Variants in FBXW7 observed in about 807,000 individuals in gnomAD.
FBXW7 encodes F-box/WD repeat-containing protein 7.
Under a neutral mutation model 86.3 loss-of-function variants are expected in FBXW7, and 11 were observed. The ratio of observed to expected loss-of-function variants is 0.13; its 90% CI spans 0.08 to 0.21. FBXW7 has a LOEUF of 0.21. FBXW7 is among the 10% of genes least tolerant of loss of function. The pLI, the probability that FBXW7 is intolerant of heterozygous loss-of-function variation, is 1.00. For synonymous variants in FBXW7, 313 were observed against 297.9 expected (o/e 1.05, Z -0.52); for missense variants, 488 against 847.4 (o/e 0.58, Z 5.27).
chr4:152,470,263 A>C (rs1743829914), intron 2 of FBXW7, among the ~76,000 whole-genome samples: 1 of 152,134 alleles, frequency 6.6e-6, no homozygotes, highest in Non-Finnish European at 1.5e-5. Context: ...GTAAAGAATG[A>C]GCTCTATCAC....
chr4:152,512,754 G>C (rs1748096556), intron 2 of FBXW7, among the ~76,000 whole-genome samples: 1 of 152,164 alleles, frequency 6.6e-6, no homozygotes, highest in African/African-American at 2.4e-5. Context: ...AATGGGAAGT[G>C]ACTCCTTAAT....
chr4:152,422,768 C>G (rs1739057121), intron 2 of FBXW7, among the ~76,000 whole-genome samples: 1 of 152,154 alleles, frequency 6.6e-6, no homozygotes, highest in South Asian at 2.1e-4. Flanking sequence ...TTCCCTTCCT[C>G]TAAGTAACTC....
chr4:152,407,984 C>T (rs1012559145), intron 4 of FBXW7, among the ~76,000 whole-genome samples: 7 of 152,190 alleles, frequency 4.6e-5, no homozygotes. Context: ...AGCCACCACA[C>T]CTGGCTATCT....
intron 4 of FBXW7, among the ~76,000 whole-genome samples, chr4:152,388,020 A>G (rs550402453): frequency 6.6e-6 from 1 of 152,196 alleles, no homozygotes; most frequent in East Asian, 1.9e-4. Flanking sequence ...GATATCTTTT[A>G]AAGTTTTAGT....
At chr4:152,461,853 G>A (rs771037200) in intron 2 of FBXW7, among the ~76,000 whole-genome samples, 7 of 152,062 alleles carry the variant, frequency 4.6e-5, no homozygotes, top group Admixed American at 3.9e-4. Flanking sequence ...TAATACCATC[G>A]ATAGGTCTTG....
chr4:152,397,881 G>A (rs769740887), intron 4 of FBXW7, among the ~76,000 whole-genome samples: 16 of 151,808 alleles, frequency 1.1e-4, no homozygotes, highest in South Asian at 6.2e-4. Flanking sequence ...TACATGCCAA[G>A]AAGTACCAGA....
At chr4:152,326,865 C>T (rs1318962927) in intron 11 of FBXW7, among the ~76,000 whole-genome samples, 1 of 151,834 alleles carries the variant, frequency 6.6e-6, no homozygotes, top group Non-Finnish European at 1.5e-5. Flanking sequence ...ACACAGGCTG[C>T]TTATGCTTTT....
chr4:152,525,706 T>C (rs143871085), intron 2 of FBXW7, among the ~76,000 whole-genome samples: 1 of 152,340 alleles, frequency 6.6e-6, no homozygotes, highest in East Asian at 1.9e-4. Context: ...CTGTCACTGA[T>C]GGGCATTTAG....
rs2126461480 is a variant in FBXW7, at chr4:152,322,984, C to T, written c.2021G>A (p.Arg674Gln). The T allele has an allele frequency of 1.2e-6, 2 of 1,613,648 alleles. No individual in the cohort carries two copies. The highest frequency in any genetic ancestry group is 8.5e-7 in the Non-Finnish European group (1 of 1,179,796). ...ESGGSGGVVW[R>Q]IRASNTKLVC... ...CAGCTTTGTGTTTGAGGCTCTGATC[C>T]GCCACACAACTCCCCCACTCCCCCC... is the stretch of plus-strand genomic sequence containing the variant. Residue 674 changes from arginine (R) to glutamine (Q), a missense_variant, in exon 14 of 14, where the codon CGG (arginine) becomes CAG (glutamine). This residue lies in a region of FBXW7 where 142 missense variants were observed against 406.6 expected (regional missense o/e 0.35). Coordinates refer to ENST00000281708, the MANE Select transcript of FBXW7 (RefSeq NM_001349798.2).
intron 7 of FBXW7, 152 bp downstream of exon 7, chr4:152,337,639 AGTCATGGCAAT>A: frequency 1.6e-6 from 1 of 615,652 alleles, no homozygotes; most frequent in East Asian, 2.9e-5. Context: ...TACATTATTA[AGTCATGGCAAT>A]TTATCAATTT....
At chr4:152,444,228 C>T (rs1741163821) in intron 2 of FBXW7, among the ~76,000 whole-genome samples, 1 of 152,076 alleles carries the variant, frequency 6.6e-6, no homozygotes, top group Non-Finnish European at 1.5e-5. Flanking sequence ...TTATATTCTT[C>T]GAGACTTTAC....
chr4:152,507,486 T>A (rs1747535880), intron 2 of FBXW7, among the ~76,000 whole-genome samples: 1 of 152,198 alleles, frequency 6.6e-6, no homozygotes. Flanking sequence ...GCAAAATGAA[T>A]CTGCTACAAA....
chr4:152,374,162 CAAACCAAAAA>C (rs1268312077), intron 4 of FBXW7, among the ~76,000 whole-genome samples: 1 of 151,804 alleles, frequency 6.6e-6, no homozygotes, highest in Non-Finnish European at 1.5e-5. Flanking sequence ...AAAAACAAAA[CAAACCAAAAA>C]AACCCCACCA....
chr4:152,329,791 A>G lies in FBXW7; in HGVS notation c.1123-6T>C. ...TCATCATGTCCTTTCAGCACCTATA[A>G]GAAAGATGTGCAGATTAGAAATATG... On this transcript the variant is annotated splice_region_variant and splice_polypyrimidine_tract_variant and intron_variant, in intron 9 of 13. Coordinates refer to ENST00000281708, the MANE Select transcript of FBXW7 (RefSeq NM_001349798.2). 6 of 1,493,954 alleles carry G rather than the reference A, an allele frequency of 4.0e-6. No homozygotes were observed. Among genetic ancestry groups the G allele is most frequent in the Non-Finnish European group, 5.4e-6 (6 of 1,108,466 alleles). 92.5% of individuals were successfully genotyped at this position (1,493,954 alleles called of 1,614,324 possible).
At chr4:152,518,462 A>C (rs1330157830) in intron 2 of FBXW7, among the ~76,000 whole-genome samples, 2 of 151,942 alleles carry the variant, frequency 1.3e-5, no homozygotes, top group Admixed American at 1.3e-4. Context: ...ACACCCAGCT[A>C]ATTTATTTTA....
At chr4:152,372,215 T>C (rs1173295997) in intron 4 of FBXW7, among the ~76,000 whole-genome samples, 1 of 151,970 alleles carries the variant, frequency 6.6e-6, no homozygotes, top group Non-Finnish European at 1.5e-5. Context: ...TCTATATATG[T>C]ATGTTTTAAA....
At position 152,367,843 on chromosome 4, in the gene FBXW7, G is replaced by A. The variant is rs896317690; in HGVS notation, c.502-17719C>T. ...TTTAAGTAAATATATTTAAGACTAC[G>A]ACAACACAAGTTGATGATACTAGGT... On this transcript the variant is annotated intron_variant, in intron 4 of 13. Transcript: ENST00000281708. Among the ~76,000 whole-genome samples the A allele has an allele frequency of 1.1e-4, 16 of 151,782 alleles. 1 individual carries two copies. The highest frequency in any genetic ancestry group is 2.7e-4 in the African/African-American group (11 of 41,338).
At chr4:152,502,923 CAAT>C (rs2149702814) in intron 2 of FBXW7, among the ~76,000 whole-genome samples, 1 of 152,248 alleles carries the variant, frequency 6.6e-6, no homozygotes, top group East Asian at 1.9e-4. Context: ...ATTAGCCAAA[CAAT>C]GTCAGAAGTA....
At chr4:152,438,632 A>G (rs778198980) in intron 2 of FBXW7, among the ~76,000 whole-genome samples, 1 of 152,170 alleles carries the variant, frequency 6.6e-6, no homozygotes, top group Non-Finnish European at 1.5e-5. Context: ...CCGAGATTAC[A>G]TCACTGCACT....
Sources: gnomAD v4.1 joint callset for allele counts (sites outside exome capture counted in the v4.1 genomes callset) on GRCh38, gnomAD v4.1.1 for gene constraint, gnomAD v4.1.1 regional missense constraint, MANE v1.5 for transcripts, NCBI Gene and HGNC (gene_info 2026-07-23, HGNC 2026-07-21) for gene names.